SAR1A: variants seen among roughly 807,000 people sequenced by gnomAD.
The protein encoded by SAR1A is small COPII coat GTPase SAR1A.
In SAR1A, 6 loss-of-function variants were observed where a neutral mutation model predicts 22.6. That is an observed-to-expected ratio of 0.27 (90% CI 0.15 to 0.52). SAR1A has a LOEUF of 0.52. Among genes scored for constraint, SAR1A ranks in the 20% least tolerant of loss-of-function variants. The pLI, the probability that SAR1A is intolerant of heterozygous loss-of-function variation, is 0.96. For synonymous variants in SAR1A, 70 were observed against 82.2 expected (o/e 0.85, Z 0.80); for missense variants, 145 against 245.1 (o/e 0.59, Z 2.73).
chr10:70,163,772 A>C (rs1564571396), intron 1 of SAR1A: 1 of 1,097,750 alleles, frequency 9.1e-7, no homozygotes, highest in Non-Finnish European at 1.4e-6. Flanking sequence ...AACTATAACA[A>C]CAAAGAAACT....
rs774010695 is a variant in SAR1A at position 70,161,080 on chromosome 10, G to A, written c.179-11C>T. On this transcript the variant is annotated splice_polypyrimidine_tract_variant and intron_variant, in intron 3 of 6. Transcript: ENST00000373241. ...TTAGCTCTTCTGATGCTGAAAAATT[G>A]TTTAAAAAGAAGAAAAAAACTTGTC... 1.0e-4 allele frequency: 168 copies of A among 1,606,572 alleles called. No homozygotes were observed. The highest frequency in any genetic ancestry group is 1.4e-4 in the Non-Finnish European group (162 of 1,176,164).
At chr10:70,160,828 A>G (rs1463132011) in intron 4 of SAR1A, among the ~76,000 whole-genome samples, 176 bp downstream of exon 4, 1 of 152,242 alleles carries the variant, frequency 6.6e-6, no homozygotes, top group Non-Finnish European at 1.5e-5. Context: ...ACTTTTGACA[A>G]GTTTGAAATT....
rs370532290 is a variant in SAR1A, at chr10:70,161,589, C to G, written c.178+30G>C. The G allele has an allele frequency of 7.5e-6, 12 of 1,610,394 alleles. No individual in the cohort carries two copies. In the African/African-American group the frequency reaches 1.5e-4, roughly 20 times the overall value. ...ACGCCTAACACTGACCTTTAAAGAT[C>G]AAAAGGTCACCTGATATTTTCAAAC... On this transcript the variant is annotated intron_variant, in intron 3 of 6. Transcript: ENST00000373241.
At chr10:70,154,064 T>C (rs1839357911) in intron 5 of SAR1A, 95 bp from the exon 6 acceptor site, 1 of 905,530 alleles carries the variant, frequency 1.1e-6, no homozygotes, top group South Asian at 1.8e-5. Flanking sequence ...CTTCCACTAA[T>C]CTTTTAAGGC....
intron 4 of SAR1A, among the ~76,000 whole-genome samples, chr10:70,158,097 A>G (rs1023887041): frequency 2.6e-5 from 4 of 152,164 alleles, no homozygotes; most frequent in Admixed American, 2.6e-4. Flanking sequence ...GCTTTTTTTG[A>G]AAAACTGCAA....
intron 4 of SAR1A, among the ~76,000 whole-genome samples, chr10:70,159,251 TA>T (rs1449083261): frequency 6.6e-6 from 1 of 152,236 alleles, no homozygotes; most frequent in African/African-American, 2.4e-5. Flanking sequence ...TTTATGTGAT[TA>T]TGATCATAAT....
In SAR1A at chr10:70,152,337, G is replaced by C. The variant is rs1271172173; in HGVS notation, c.*139C>G. On this transcript the variant is annotated 3_prime_UTR_variant, in exon 7 of 7. Transcript: ENST00000373241. ...CACATGTCACCACTGGGCAATGAGA[G>C]AGTTGACAGAGACTCTTGGCTTCTC... The C allele has an allele frequency of 7.8e-6, 7 of 892,770 alleles. No homozygotes were observed. In the African/African-American group the frequency reaches 1.1e-4, roughly 15 times the overall value. 55.3% of individuals were successfully genotyped at this position (892,770 alleles called of 1,614,324 possible).
intron 1 of SAR1A, among the ~76,000 whole-genome samples, chr10:70,167,775 T>C (rs77624432): frequency 6.6e-6 from 1 of 152,328 alleles, no homozygotes; most frequent in Admixed American, 6.5e-5. Context: ...TTTGGGTGGA[T>C]ACATACTAGG....
intron 1 of SAR1A, among the ~76,000 whole-genome samples, chr10:70,169,900 G>A (rs1839603262): frequency 6.6e-6 from 1 of 152,150 alleles, no homozygotes; most frequent in African/African-American, 2.4e-5. Flanking sequence ...AAAATACAGG[G>A]TTCGACCCGG....
intron 1 of SAR1A, among the ~76,000 whole-genome samples, chr10:70,166,564 G>C (rs552154844): frequency 6.6e-6 from 1 of 152,008 alleles, no homozygotes; most frequent in Middle Eastern, 3.2e-3. Context: ...TTGCAGACAC[G>C]GGTCTCAATT....
In SAR1A at chr10:70,152,263, C is replaced by A. The variant is rs920542433; in HGVS notation, c.*213G>T. The A allele has an allele frequency of 2.1e-5, 20 of 969,598 alleles. No homozygotes were observed. The African/African-American group carries it at 3.2e-4, about 16-fold the overall frequency. 60.1% of individuals were successfully genotyped at this position (969,598 alleles called of 1,614,324 possible). On this transcript the variant is annotated 3_prime_UTR_variant, in exon 7 of 7. Transcript: ENST00000373241. ...AGCTTCCAAGTCCCAGGATACTGAC[C>A]TGCACCAGCACGTGGGGCAGCATTA...
In SAR1A at chr10:70,150,505, A is replaced by G. The variant is rs1589872028; in HGVS notation, c.*1971T>C. 6.6e-6 allele frequency: 1 copy of G among 152,212 alleles called. No homozygotes were observed. Among genetic ancestry groups the G allele is most frequent in the East Asian group, 1.9e-4 (1 of 5,202 alleles). The allele number at this position is 152,212 out of a possible 1,614,324, so 9.4% of individuals were successfully genotyped here. On this transcript the variant is annotated 3_prime_UTR_variant, in exon 7 of 7. Coordinates refer to ENST00000373241, the MANE Select transcript of SAR1A (RefSeq NM_020150.5). ...AACCACTTTCACAAAGAGCTGCCCT[A>G]TGTATAACCCACAGATTTCTAGCTT...
intron 1 of SAR1A, chr10:70,162,642 TG>T (rs1381629213): frequency 6.6e-6 from 1 of 152,152 alleles, no homozygotes; most frequent in Admixed American, 6.5e-5. Flanking sequence ...TAATAGTTTT[TG>T]ATCTATGATA....
In SAR1A at chr10:70,161,712, C is replaced by G. The variant is rs750955463; in HGVS notation, c.85G>C (p.Val29Leu). ...LGLYKKSGKL[V>L]FLGLDNAGKT... ...CCTGCATTATCCAAACCTAAGAATA[C>G]AAGTTTTCCAGATTTCTTGTACAGT... Residue 29 changes from valine (V) to leucine (L), a missense_variant, in exon 3 of 7, where the codon GTA (valine) becomes CTA (leucine). This residue lies in a region of SAR1A where 40 missense variants were observed against 105.7 expected (regional missense o/e 0.38). Coordinates refer to ENST00000373241, the MANE Select transcript of SAR1A (RefSeq NM_020150.5). 1 of 1,613,748 alleles carries G rather than the reference C, an allele frequency of 6.2e-7. No homozygotes were observed. Among genetic ancestry groups the G allele is most frequent in the East Asian group, 2.2e-5 (1 of 44,882 alleles).
chr10:70,170,385 C>T (rs1030457235), intron 1 of SAR1A, 28 bp downstream of exon 1: 1 of 151,834 alleles, frequency 6.6e-6, no homozygotes, highest in East Asian at 2.0e-4. Flanking sequence ...GCCCCAACTC[C>T]CCTCCCCGAC....
At chr10:70,168,139 C>T (rs1247081961) in intron 1 of SAR1A, among the ~76,000 whole-genome samples, 1 of 152,186 alleles carries the variant, frequency 6.6e-6, no homozygotes, top group African/African-American at 2.4e-5. Flanking sequence ...AGAATTAAAG[C>T]ATCCAAGTAG....
intron 6 of SAR1A, 33 bp from the exon 7 acceptor site, chr10:70,152,625 G>A (rs1187477075): frequency 5.2e-6 from 7 of 1,351,492 alleles, no homozygotes; most frequent in Non-Finnish European, 7.4e-6. Flanking sequence ...AGGCCTGTTA[G>A]CATCTCTGTG....
chr10:70,160,883 G>A, intron 4 of SAR1A, 121 bp downstream of exon 4: 4 of 631,036 alleles, frequency 6.3e-6, no homozygotes, highest in South Asian at 4.9e-5. Context: ...AAAGTAATAA[G>A]ATCCTAATTC....
chr10:70,157,959 G>T, intron 4 of SAR1A, 92 bp from the exon 5 acceptor site: 1 of 858,994 alleles, frequency 1.2e-6, no homozygotes, highest in Non-Finnish European at 1.9e-6. Context: ...AATCTTGGTC[G>T]GGTTTCAGTA....
Sources: gnomAD v4.1 joint callset for allele counts (sites outside exome capture counted in the v4.1 genomes callset) on GRCh38, gnomAD v4.1.1 for gene constraint, gnomAD v4.1.1 regional missense constraint, MANE v1.5 for transcripts, NCBI Gene and HGNC (gene_info 2026-07-23, HGNC 2026-07-21) for gene names.